The following CADM2 variants were observed in gnomAD, a reference collection of about 807,000 sequenced individuals.
CADM2 encodes immunoglobulin superfamily member 4D.
In CADM2, 12 loss-of-function variants were observed where a neutral mutation model predicts 49.8. That is an observed-to-expected ratio of 0.24 (90% CI 0.15 to 0.39). CADM2 has a LOEUF of 0.39. Among genes scored for constraint, CADM2 ranks in the 10% least tolerant of loss-of-function variants. The pLI is 1.00. For missense variants in CADM2, 378 were observed against 492.3 expected (o/e 0.77, Z 2.20); for synonymous variants, 214 against 175.4 (o/e 1.22, Z -1.74).
chr3:85,754,393 G>A (rs1202194384), intron 2 of CADM2, among the ~76,000 whole-genome samples: 1 of 152,100 alleles, frequency 6.6e-6, no homozygotes, highest in East Asian at 1.9e-4. Context: ...CTCTGATCAT[G>A]TCTAACTAGC....
chr3:84,976,512 T>C (rs1013873105), intron 1 of CADM2, among the ~76,000 whole-genome samples: 6 of 151,836 alleles, frequency 4.0e-5, no homozygotes, highest in Non-Finnish European at 8.9e-5. Flanking sequence ...CTATTGGTTA[T>C]TTTATTAAGT....
chr3:85,373,189 A>T (rs927236907), intron 1 of CADM2, among the ~76,000 whole-genome samples: 13 of 152,110 alleles, frequency 8.5e-5, no homozygotes, highest in Non-Finnish European at 5.9e-5. Context: ...CAGGTAAATT[A>T]TTTTCTAGAT....
At chr3:85,702,454 C>A (rs2066810189) in intron 1 of CADM2, among the ~76,000 whole-genome samples, 2 of 152,072 alleles carry the variant, frequency 1.3e-5, no homozygotes, top group South Asian at 4.1e-4. Flanking sequence ...TCAACATGAA[C>A]CCTCATATTT....
At chr3:85,248,120 A>G (rs1285168006) in intron 1 of CADM2, among the ~76,000 whole-genome samples, 1 of 152,188 alleles carries the variant, frequency 6.6e-6, no homozygotes, top group African/African-American at 2.4e-5. Flanking sequence ...CTGAAGTATC[A>G]TTTAAAATGA....
intron 1 of CADM2, among the ~76,000 whole-genome samples, chr3:85,442,131 A>T (rs2037230232): frequency 6.6e-6 from 1 of 152,048 alleles, no homozygotes; most frequent in Admixed American, 6.6e-5. Flanking sequence ...TACTGCAAAG[A>T]AGTTTTTATG....
chr3:85,562,694 G>T (rs77739975), intron 1 of CADM2, among the ~76,000 whole-genome samples: 39 of 151,880 alleles, frequency 2.6e-4, no homozygotes, highest in Non-Finnish European at 5.0e-4. Context: ...CTTTGGAGAT[G>T]GGGGGAGCTA....
chr3:85,343,058 A>C (rs769566901), intron 1 of CADM2, among the ~76,000 whole-genome samples: 1 of 152,124 alleles, frequency 6.6e-6, no homozygotes, highest in Non-Finnish European at 1.5e-5. Context: ...CCTTCAGGAA[A>C]CTTTTGGCAA....
intron 8 of CADM2, among the ~76,000 whole-genome samples, chr3:86,004,393 C>T (rs555428106): frequency 6.6e-6 from 1 of 152,174 alleles, no homozygotes; most frequent in Non-Finnish European, 1.5e-5. Flanking sequence ...ACACATGTCA[C>T]TATGTCTTTG....
chr3:85,605,164 G>A (rs547626951), intron 1 of CADM2, among the ~76,000 whole-genome samples: 35 of 152,074 alleles, frequency 2.3e-4, no homozygotes, highest in Admixed American at 4.6e-4. Context: ...TATGTGTATA[G>A]AACGCAAGGG....
intron 1 of CADM2, among the ~76,000 whole-genome samples, chr3:85,115,337 C>T (rs1329981041): frequency 6.6e-6 from 1 of 152,176 alleles, no homozygotes; most frequent in East Asian, 1.9e-4. Flanking sequence ...CTCCGTAAGA[C>T]TGTTCTAATA....
chr3:85,912,317 G>T, intron 5 of CADM2, 56 bp from the exon 6 acceptor site: 1 of 1,313,114 alleles, frequency 7.6e-7, no homozygotes, highest in Admixed American at 2.2e-5. Context: ...TTGAGTAAAT[G>T]CAATCTGTTT....
intron 1 of CADM2, among the ~76,000 whole-genome samples, chr3:85,611,483 C>T (rs940399825): frequency 6.6e-6 from 1 of 151,894 alleles, no homozygotes; most frequent in African/African-American, 2.4e-5. Context: ...AATAACACCA[C>T]CCCTGCCTCA....
chr3:85,560,266 C>G (rs1170875909), intron 1 of CADM2, among the ~76,000 whole-genome samples: 1 of 152,166 alleles, frequency 6.6e-6, no homozygotes, highest in Non-Finnish European at 1.5e-5. Context: ...GGTGCACCAG[C>G]TTGATGACCT....
intron 2 of CADM2, among the ~76,000 whole-genome samples, chr3:85,756,700 T>C (rs1362537211): frequency 1.3e-5 from 2 of 152,172 alleles, no homozygotes; most frequent in Non-Finnish European, 2.9e-5. Flanking sequence ...TAGTTTTCTT[T>C]CAAATTATCT....
In CADM2 at chr3:85,837,847, G is replaced by A. The variant is rs541948770; in HGVS notation, c.238+35651G>A. ...AGTGTGTTGCTTCCTATTCTAAGTA[G>A]TATTAGGAAATTATTTACCTGAGAT... On this transcript the variant is annotated intron_variant, in intron 3 of 9. Transcript: ENST00000383699. Among the ~76,000 whole-genome samples, 13 of 151,702 alleles carry A rather than the reference G, an allele frequency of 8.6e-5. No homozygotes were observed. The South Asian group carries it at 2.5e-3, about 29-fold the overall frequency.
chr3:85,942,638 T>A, intron 7 of CADM2, among the ~76,000 whole-genome samples: 1 of 151,986 alleles, frequency 6.6e-6, no homozygotes, highest in South Asian at 2.1e-4. Flanking sequence ...TCCAGTTTCA[T>A]CCATGTCCCT....
chr3:85,699,033 G>A (rs1022072892), intron 1 of CADM2, among the ~76,000 whole-genome samples: 1 of 152,166 alleles, frequency 6.6e-6, no homozygotes, highest in African/African-American at 2.4e-5. Context: ...TTTCTGAAAG[G>A]GAGAAATCAG....
intron 3 of CADM2, among the ~76,000 whole-genome samples, chr3:85,878,256 A>G (rs767530859): frequency 3.3e-5 from 5 of 152,080 alleles, no homozygotes; most frequent in Non-Finnish European, 5.9e-5. Flanking sequence ...CACATTCTTT[A>G]TACTTTCACT....
chr3:85,595,467 A>G (rs1254302444), intron 1 of CADM2, among the ~76,000 whole-genome samples: 2 of 152,012 alleles, frequency 1.3e-5, no homozygotes, highest in Non-Finnish European at 2.9e-5. Context: ...TCTTTATCTT[A>G]TCATTTTGTA....
Sources: allele counts gnomAD v4.1 joint callset (sites outside exome capture counted in the v4.1 genomes callset), GRCh38; gene constraint gnomAD v4.1.1; transcripts MANE v1.5; gene names NCBI Gene and HGNC (gene_info 2026-07-23, HGNC 2026-07-21).